Variants in NTRK3 observed in about 807,000 individuals in gnomAD.
NTRK3 encodes NT-3 growth factor receptor.
In NTRK3, 24 loss-of-function variants were observed where a neutral mutation model predicts 91.7. The observed-to-expected ratio is 0.26, with a 90% CI of 0.19 to 0.37. The LOEUF (loss-of-function observed/expected upper bound fraction) is 0.37, where lower values mean the gene tolerates loss of function less well. Ranked by LOEUF, NTRK3 falls within the 10% of genes least tolerant of loss-of-function variation. The pLI is 1.00. For missense variants in NTRK3, 880 were observed against 1,068.9 expected (o/e 0.82, Z 2.46); for synonymous variants, 483 against 404.0 (o/e 1.20, Z -2.34).
At chr15:88,096,618 C>A (rs1283655484) in intron 13 of NTRK3, among the ~76,000 whole-genome samples, 1 of 152,202 alleles carries the variant, frequency 6.6e-6, no homozygotes, top group Non-Finnish European at 1.5e-5. Context: ...TAAGCAGGTA[C>A]AACCCAGAAG....
intron 3 of NTRK3, among the ~76,000 whole-genome samples, chr15:88,185,440 G>C (rs976254278): frequency 1.3e-5 from 2 of 152,022 alleles, no homozygotes; most frequent in Non-Finnish European, 2.9e-5. Flanking sequence ...ACTGCTTTTG[G>C]GATCCCCAGG....
chr15:88,062,235 G>T (rs1477800138), intron 13 of NTRK3, among the ~76,000 whole-genome samples: 1 of 152,098 alleles, frequency 6.6e-6, no homozygotes, highest in Non-Finnish European at 1.5e-5. Flanking sequence ...GAATACTGAG[G>T]GACAACTGTA....
chr15:88,033,194 A>ATG (rs2078736189), intron 13 of NTRK3, 149 bp from the exon 14 acceptor site: 1 of 121,570 alleles, frequency 8.2e-6, no homozygotes, highest in Non-Finnish European at 1.6e-5. Flanking sequence ...ATATATATAT[A>ATG]TATATATATA....
intron 3 of NTRK3, among the ~76,000 whole-genome samples, chr15:88,231,574 A>C (rs999873014): frequency 3.9e-5 from 6 of 152,208 alleles, no homozygotes; most frequent in Non-Finnish European, 8.8e-5. Flanking sequence ...AAGAGAAATA[A>C]CCAGGTTTCA....
chr15:87,969,723 G>T (rs1002833606), intron 14 of NTRK3, among the ~76,000 whole-genome samples: 6 of 152,150 alleles, frequency 3.9e-5, no homozygotes, highest in Admixed American at 1.3e-4. Flanking sequence ...ACTCCCTGGA[G>T]AATGACCCCT....
intron 13 of NTRK3, among the ~76,000 whole-genome samples, chr15:88,091,762 C>T (rs555431836): frequency 3.3e-4 from 51 of 152,292 alleles, no homozygotes; most frequent in Non-Finnish European, 6.5e-4. Flanking sequence ...CTGAGGGAAG[C>T]GGTAAATGTT....
intron 14 of NTRK3, among the ~76,000 whole-genome samples, chr15:87,962,249 T>C (rs2072370286): frequency 6.6e-6 from 1 of 152,224 alleles, no homozygotes; most frequent in Non-Finnish European, 1.5e-5. Flanking sequence ...TTCTGCATCA[T>C]CTGCTCTGCT....
chr15:88,123,778 G>T (rs1002489276), intron 13 of NTRK3, among the ~76,000 whole-genome samples: 1 of 152,198 alleles, frequency 6.6e-6, no homozygotes, highest in African/African-American at 2.4e-5. Flanking sequence ...GCAATTGGTT[G>T]AAAGAGTTAT....
chr15:88,100,596 T>C (rs2050071107), intron 13 of NTRK3, among the ~76,000 whole-genome samples: 1 of 152,142 alleles, frequency 6.6e-6, no homozygotes, highest in Admixed American at 6.5e-5. Flanking sequence ...AAGAAGGGCA[T>C]AAGAAAAAGT....
chr15:88,084,752 G>T (rs1301767948), intron 13 of NTRK3, among the ~76,000 whole-genome samples: 1 of 152,146 alleles, frequency 6.6e-6, no homozygotes, highest in Non-Finnish European at 1.5e-5. Context: ...CAGTAAATGA[G>T]TGCTCCATTT....
exon 14 of NTRK3, chr15:88,032,891 G>T (rs1183659226): frequency 6.2e-7 from 1 of 1,613,804 alleles, no homozygotes; most frequent in Admixed American, 1.7e-5. Context: ...GTCCCTGACG[G>T]AAGTACTGGG....
chr15:88,104,148 A>T (rs2050459005), intron 13 of NTRK3, among the ~76,000 whole-genome samples: 1 of 152,170 alleles, frequency 6.6e-6, no homozygotes, highest in African/African-American at 2.4e-5. Flanking sequence ...AAATAACACT[A>T]AGTTACTGGT....
Position 88,132,374 on chromosome 15 carries a change from T to C in NTRK3, c.1204+2727A>G, listed in dbSNP as rs961577744. Among the ~76,000 whole-genome samples the C allele has an allele frequency of 2.0e-5, 3 of 152,202 alleles. No individual in the cohort carries two copies. In the South Asian group the frequency reaches 6.2e-4, roughly 32 times the overall value. On this transcript the variant is annotated intron_variant, in intron 10 of 18. Transcript: ENST00000394480. ...CTCATGGTAGCTTAGATGGGAGATA[T>C]TATCATTCCCATTTCATGGATACAG...
chr15:88,036,199 TAC>T (rs574550490), intron 13 of NTRK3, among the ~76,000 whole-genome samples: 33 of 151,682 alleles, frequency 2.2e-4, no homozygotes, highest in Middle Eastern at 3.4e-3. Flanking sequence ...TACACGCACA[TAC>T]ACACACACAC....
At chr15:88,109,335 C>T (rs1170342299) in intron 13 of NTRK3, among the ~76,000 whole-genome samples, 2 of 152,192 alleles carry the variant, frequency 1.3e-5, no homozygotes, top group African/African-American at 2.4e-5. Flanking sequence ...GAGGGGACAG[C>T]GTCCTCACCC....
At chr15:88,092,014 T>C (rs978865542) in intron 13 of NTRK3, among the ~76,000 whole-genome samples, 1 of 152,164 alleles carries the variant, frequency 6.6e-6, no homozygotes. Flanking sequence ...TTGCAACCCA[T>C]CTCACAGTAG....
chr15:87,995,411 C>T (rs540677782), intron 14 of NTRK3, among the ~76,000 whole-genome samples: 1 of 152,124 alleles, frequency 6.6e-6, no homozygotes, highest in East Asian at 2.0e-4. Flanking sequence ...GCCATGAGGC[C>T]TAAAGGAGAC....
intron 14 of NTRK3, among the ~76,000 whole-genome samples, chr15:87,941,759 A>C (rs2069884394): frequency 6.6e-6 from 1 of 152,242 alleles, no homozygotes; most frequent in African/African-American, 2.4e-5. Context: ...GTGTGCCTGG[A>C]GAAAGCAGAG....
chr15:87,869,044 G>A, exon 19 of NTRK3: 1 of 228,934 alleles, frequency 4.4e-6, no homozygotes, highest in Non-Finnish European at 8.7e-6. Flanking sequence ...ACTTTGTGCA[G>A]CATTAAGATA....
Sources: allele counts gnomAD v4.1 joint callset (sites outside exome capture counted in the v4.1 genomes callset), GRCh38; gene constraint gnomAD v4.1.1; transcripts MANE v1.5; gene names NCBI Gene and HGNC (gene_info 2026-07-23, HGNC 2026-07-21).